Variants in PSD3 observed in about 807,000 individuals in gnomAD.
PSD3 encodes the protein PH and SEC7 domain-containing protein 3.
In PSD3, 49 loss-of-function variants were observed where a neutral mutation model predicts 105.5. That is an observed-to-expected ratio of 0.46 (90% CI 0.37 to 0.59). The LOEUF (loss-of-function observed/expected upper bound fraction) is 0.59. Ranked by LOEUF, PSD3 falls within the 20% of genes least tolerant of loss-of-function variation. The pLI is 0.00. For synonymous variants in PSD3, 557 were observed against 457.8 expected (o/e 1.22, Z -2.77); for missense variants, 1,561 against 1,263.8 (o/e 1.24, Z -3.57).
At chr8:18,689,890 G>C (rs1474637023) in intron 9 of PSD3, among the ~76,000 whole-genome samples, 2 of 152,198 alleles carry the variant, frequency 1.3e-5, no homozygotes, top group Admixed American at 6.5e-5. Flanking sequence ...TCATTCTATA[G>C]ATGACTCCTG....
intron 4 of PSD3, among the ~76,000 whole-genome samples, chr8:18,862,999 G>C (rs927891657): frequency 6.6e-6 from 1 of 152,068 alleles, no homozygotes; most frequent in East Asian, 1.9e-4. Flanking sequence ...TAATTCACCT[G>C]TTCTGCCATA....
intron 9 of PSD3, among the ~76,000 whole-genome samples, chr8:18,677,740 G>A (rs530492629): frequency 4.6e-5 from 7 of 152,254 alleles, no homozygotes; most frequent in South Asian, 2.1e-4. Context: ...GACTGGGCAC[G>A]GTGGCTTACG....
At chr8:19,038,407 A>G (rs1828015378) in intron 1 of PSD3, among the ~76,000 whole-genome samples, 2 of 151,974 alleles carry the variant, frequency 1.3e-5, no homozygotes, top group Non-Finnish European at 2.9e-5. Context: ...TAATCTTTCA[A>G]ATTTATGTCT....
At chr8:18,621,426 C>T (rs956271383) in intron 11 of PSD3, among the ~76,000 whole-genome samples, 3 of 152,140 alleles carry the variant, frequency 2.0e-5, no homozygotes, top group South Asian at 2.1e-4. Flanking sequence ...GACTATTGCT[C>T]CTGATGAGAA....
At position 18,916,378 on chromosome 8, in the gene PSD3, A is replaced by ACACACAC. The variant is rs71218909; in HGVS notation, c.130+19655_130+19656insGTGTGTG. Reference sequence around the variant, plus strand: ...CACACACACACACACACACACACACAAACAGAATACTATACAGCCTTAAAA... The same window carrying ACACACAC: ...CACACACACACACACACACACACACACACACACAACAGAATACTATACAGCCTTAAAA... On this transcript the variant is annotated intron_variant, in intron 2 of 15. Transcript: ENST00000327040. 4.8e-3 allele frequency among the ~76,000 whole-genome samples: 401 copies of ACACACAC among 83,946 alleles called. 30 individuals carry two copies. Among genetic ancestry groups the ACACACAC allele is most frequent in the African/African-American group, 0.015 (315 of 21,648 alleles). The allele number at this position is 83,946 out of a possible 152,430, so 55.1% of individuals were successfully genotyped here. A position where few individuals can be genotyped will look rare whatever the true frequency, so the allele number is the denominator to read the frequency against.
intron 4 of PSD3, among the ~76,000 whole-genome samples, chr8:18,835,072 C>T (rs1813995060): frequency 6.6e-6 from 1 of 152,132 alleles, no homozygotes; most frequent in South Asian, 2.1e-4. Context: ...AGACAAAGGA[C>T]AGTCAAGTAT....
At chr8:18,799,228 G>C in intron 8 of PSD3, 67 bp downstream of exon 8, 1 of 1,368,462 alleles carries the variant, frequency 7.3e-7, no homozygotes, top group East Asian at 2.3e-5. Context: ...AAATAAATGT[G>C]TTTGAACATA....
rs3042866 is a variant in PSD3 at position 18,741,795 on chromosome 8, TAAAA to T, written c.2172+23650_2172+23653del. Among the ~76,000 whole-genome samples the T allele has an allele frequency of 2.2e-3, 176 of 79,684 alleles. 1 individual carries two copies. The highest frequency in any genetic ancestry group is 3.1e-3 in the Non-Finnish European group (133 of 43,556). The allele number at this position is 79,684 out of a possible 152,430, so 52.3% of individuals were successfully genotyped here. A position where few individuals can be genotyped will look rare whatever the true frequency, so the allele number is the denominator to read the frequency against. ...CAACACACTGCATCTAATTTTATTGTAAAAAAAAAAAAAAAAAAAAAAAAGGCTA... is the reference window on the plus strand; with the variant it reads ...CAACACACTGCATCTAATTTTATTGTAAAAAAAAAAAAAAAAAAAAGGCTA... On this transcript the variant is annotated intron_variant, in intron 9 of 15. Coordinates refer to ENST00000327040, the MANE Select transcript of PSD3 (RefSeq NM_015310.4).
rs28584705 is a variant in PSD3 at position 18,634,747 on chromosome 8, T to C, written c.2217-1941A>G. ...ACGTTATGCATTTTTTGGGGAAAGA[T>C]TCCATATAGGTGATGCATCTTTCTC... On this transcript the variant is annotated intron_variant, in intron 10 of 15. Coordinates refer to ENST00000327040, the MANE Select transcript of PSD3 (RefSeq NM_015310.4). 9.1e-3 allele frequency among the ~76,000 whole-genome samples: 1,393 copies of C among 152,256 alleles called. 20 individuals carry two copies. The highest frequency in any genetic ancestry group is 0.032 in the African/African-American group (1,345 of 41,548).
intron 9 of PSD3, among the ~76,000 whole-genome samples, chr8:18,693,678 C>A (rs1357553934): frequency 6.6e-6 from 1 of 152,186 alleles, no homozygotes; most frequent in Non-Finnish European, 1.5e-5. Context: ...GTGGCAACTG[C>A]AGGCTACTAG....
At chr8:18,655,001 A>T (rs1254245143) in intron 10 of PSD3, among the ~76,000 whole-genome samples, 1 of 152,086 alleles carries the variant, frequency 6.6e-6, no homozygotes, top group Non-Finnish European at 1.5e-5. Context: ...TCATCAGCAG[A>T]TTTTTCTTTT....
chr8:18,689,334 C>A (rs762099899), intron 9 of PSD3, among the ~76,000 whole-genome samples: 2 of 151,980 alleles, frequency 1.3e-5, no homozygotes, highest in Non-Finnish European at 2.9e-5. Flanking sequence ...CTTTCAGATC[C>A]CAAGTGAAAT....
chr8:18,948,198 G>A (rs550502887), intron 1 of PSD3, among the ~76,000 whole-genome samples: 1 of 152,272 alleles, frequency 6.6e-6, no homozygotes, highest in African/African-American at 2.4e-5. Flanking sequence ...TTCTGGACCT[G>A]TGTGCTTCTG....
At chr8:18,556,543 T>C (rs1353366509) in intron 14 of PSD3, among the ~76,000 whole-genome samples, 191 bp from the exon 15 acceptor site, 1 of 152,186 alleles carries the variant, frequency 6.6e-6, no homozygotes, top group Non-Finnish European at 1.5e-5. Flanking sequence ...CTTCCCGGGA[T>C]GGCAATCAAG....
chr8:18,844,346 A>G (rs1012424819), intron 4 of PSD3, among the ~76,000 whole-genome samples: 1 of 151,674 alleles, frequency 6.6e-6, no homozygotes, highest in Non-Finnish European at 1.5e-5. Flanking sequence ...TAATATATAA[A>G]TAATTTAAGA....
chr8:19,070,382 A>C (rs1487843579), intron 1 of PSD3, among the ~76,000 whole-genome samples: 2 of 151,612 alleles, frequency 1.3e-5, no homozygotes, highest in East Asian at 1.9e-4. Context: ...AAAAAAAAAA[A>C]AAACCCACAA....
In PSD3 at chr8:18,727,126, A is replaced by G. The variant is rs1051377240; in HGVS notation, c.2172+38323T>C. Among the ~76,000 whole-genome samples the G allele has an allele frequency of 9.2e-5, 14 of 152,188 alleles. No individual in the cohort carries two copies. The East Asian group carries it at 2.5e-3, about 27-fold the overall frequency. Reference sequence around the variant, plus strand: ...GCCGAAGTGGGTGAACCATGAGGACAGGTATTCAAGACCAGCTTGGCCAAC... The same window carrying G: ...GCCGAAGTGGGTGAACCATGAGGACGGGTATTCAAGACCAGCTTGGCCAAC... On this transcript the variant is annotated intron_variant, in intron 9 of 15. Coordinates refer to ENST00000327040, the MANE Select transcript of PSD3 (RefSeq NM_015310.4).
In PSD3 at chr8:18,543,431, G is replaced by A. The variant is rs185767659; in HGVS notation, c.2929-7473C>T. On this transcript the variant is annotated intron_variant, in intron 15 of 15. Coordinates refer to ENST00000327040, the MANE Select transcript of PSD3 (RefSeq NM_015310.4). Reference sequence around the variant, plus strand: ...AGATCGAGACCATCTTGGCTAACACGGTGAAACCCCGTCTCTACTAACAAA... The same window carrying A: ...AGATCGAGACCATCTTGGCTAACACAGTGAAACCCCGTCTCTACTAACAAA... Among the ~76,000 whole-genome samples, 108 of 152,082 alleles carry A rather than the reference G, an allele frequency of 7.1e-4. 1 individual carries two copies. Among genetic ancestry groups the A allele is most frequent in the African/African-American group, 2.4e-3 (101 of 41,462 alleles).
intron 9 of PSD3, among the ~76,000 whole-genome samples, chr8:18,708,977 G>C (rs546307376): frequency 4.6e-5 from 7 of 152,138 alleles, no homozygotes; most frequent in African/African-American, 7.2e-5. Flanking sequence ...TGCAACCTGC[G>C]GATCAGGAGA....
Sources: allele counts gnomAD v4.1 joint callset (sites outside exome capture counted in the v4.1 genomes callset), GRCh38; gene constraint gnomAD v4.1.1; transcripts MANE v1.5; gene names NCBI Gene and HGNC (gene_info 2026-07-23, HGNC 2026-07-21).